The following TMPRSS12 variants were observed in gnomAD, a reference collection of about 807,000 sequenced individuals.
TMPRSS12 encodes the protein transmembrane serine protease 12.
A neutral mutation model predicts 26.0 loss-of-function variants in TMPRSS12; 25 were observed. The ratio of observed to expected loss-of-function variants is 0.96; its 90% CI spans 0.70 to 1.34. The LOEUF is 1.34. Ranked by LOEUF, TMPRSS12 falls within the 40% of genes most tolerant of loss-of-function variation. The probability of loss-of-function intolerance (pLI) is 0.00; values close to 1 mark genes in which losing one functional copy is unlikely to be tolerated. For missense variants in TMPRSS12, 441 were observed against 440.1 expected, an observed-to-expected ratio of 1.00 and a Z score of -0.02; for synonymous variants, 150 against 161.7, an observed-to-expected ratio of 0.93 and a Z score of 0.55.
chr12:50,850,204 G>C (rs144490776), intron 2 of TMPRSS12, among the ~76,000 whole-genome samples: 6 of 152,312 alleles, frequency 3.9e-5, no homozygotes, highest in Admixed American at 1.3e-4. Context: ...TGACTGGATT[G>C]TGGGGGCAGA....
At position 50,843,122 on chromosome 12, in the gene TMPRSS12, G is replaced by C; in HGVS notation, c.158G>C (p.Arg53Pro). 3 of 1,573,802 alleles carry C rather than the reference G, an allele frequency of 1.9e-6. No homozygotes were observed. Among genetic ancestry groups the C allele is most frequent in the Non-Finnish European group, 8.6e-7 (1 of 1,159,336 alleles). Residue 53 changes from arginine to proline, a missense_variant, in exon 1 of 5, where the codon CGG (arginine) becomes CCG (proline). Coordinates refer to ENST00000398458, the MANE Select transcript of TMPRSS12 (RefSeq NM_182559.3). ...GAGGCCGTCCGCAAGAGGCTCCGGC[G>C]GCGGAGGGAGGGAGGGGCGCATGCA... ...QAEAVRKRLR[R>P]RREGGAHAED...
chr12:50,855,843 G>A (rs1369379902), intron 2 of TMPRSS12, among the ~76,000 whole-genome samples: 2 of 152,054 alleles, frequency 1.3e-5, no homozygotes, highest in East Asian at 3.9e-4. Context: ...AAGAAAATGT[G>A]GTACATATAC....
At chr12:50,847,504 G>T (rs1937782256) in intron 2 of TMPRSS12, among the ~76,000 whole-genome samples, 1 of 151,662 alleles carries the variant, frequency 6.6e-6, no homozygotes, top group Non-Finnish European at 1.5e-5. Context: ...ATGAGAGGGA[G>T]TTTCGCTCTT....
At position 50,843,109 on chromosome 12, in the gene TMPRSS12, A is replaced by C; in HGVS notation, c.145A>C (p.Lys49Gln). ...ASSQQAEAVR[K>Q]RLRRRREGGA... is the part of the protein sequence containing the mutation. The stretch of plus-strand genomic sequence containing the variant: ...TTCCCAGCAGGCTGAGGCCGTCCGC[A>C]AGAGGCTCCGGCGGCGGAGGGAGGG... Residue 49 changes from lysine (K) to glutamine (Q), a missense_variant, in exon 1 of 5, where the codon AAG becomes CAG. Coordinates refer to ENST00000398458, the MANE Select transcript of TMPRSS12 (RefSeq NM_182559.3). The C allele has an allele frequency of 6.3e-7, 1 of 1,578,968 alleles. No homozygotes were observed. Among genetic ancestry groups the C allele is most frequent in the Non-Finnish European group, 8.6e-7 (1 of 1,162,374 alleles).
intron 3 of TMPRSS12, among the ~76,000 whole-genome samples, chr12:50,868,026 A>G (rs1938007645): frequency 6.6e-6 from 1 of 152,230 alleles, no homozygotes; most frequent in Non-Finnish European, 1.5e-5. Context: ...AACCTCTTTA[A>G]AGCATAAATC....
At chr12:50,866,974 G>T (rs1332386664) in intron 3 of TMPRSS12, among the ~76,000 whole-genome samples, 1 of 152,136 alleles carries the variant, frequency 6.6e-6, no homozygotes, top group Non-Finnish European at 1.5e-5. Flanking sequence ...ATAAAAGAAT[G>T]TAAACAACAG....
chr12:50,864,621 A>C (rs1477897572), intron 3 of TMPRSS12, among the ~76,000 whole-genome samples: 1 of 152,214 alleles, frequency 6.6e-6, no homozygotes, highest in East Asian at 1.9e-4. Context: ...TAAAGAACTA[A>C]AAGGTAGAAT....
At chr12:50,865,228 GA>G (rs1937979965) in intron 3 of TMPRSS12, among the ~76,000 whole-genome samples, 1 of 152,116 alleles carries the variant, frequency 6.6e-6, no homozygotes, top group African/African-American at 2.4e-5. Flanking sequence ...AGCTACTTGG[GA>G]GGCTGAGGCA....
intron 3 of TMPRSS12, among the ~76,000 whole-genome samples, chr12:50,875,937 A>C (rs1938109155): frequency 6.6e-6 from 1 of 152,244 alleles, no homozygotes; most frequent in Admixed American, 6.5e-5. Flanking sequence ...TCTGCACAGC[A>C]AAAGAAACTA....
In TMPRSS12 at chr12:50,872,607, T is replaced by TATATATGACGTATATATGTAC. The variant is rs1938059942; in HGVS notation, c.653-12632_653-12612dup. Among the ~76,000 whole-genome samples the TATATATGACGTATATATGTAC allele has an allele frequency of 8.0e-5, 11 of 137,628 alleles. 1 individual carries two copies. The highest frequency in any genetic ancestry group is 3.0e-4 in the African/African-American group (11 of 37,260). 90.3% of individuals were successfully genotyped at this position (137,628 alleles called of 152,430 possible). On this transcript the variant is annotated intron_variant, in intron 3 of 4. Transcript: ENST00000398458. ...TACATATATATGACGTATATGTACA[T>TATATATGACGTATATATGTAC]ATATATGACGTATATATGTACATAT...
At chr12:50,873,058 A>T (rs1938082076) in intron 3 of TMPRSS12, among the ~76,000 whole-genome samples, 1 of 151,768 alleles carries the variant, frequency 6.6e-6, no homozygotes, top group South Asian at 2.1e-4. Flanking sequence ...GAGATTGGAG[A>T]CTATTATTCT....
At chr12:50,881,419 G>T (rs1938162671) in intron 3 of TMPRSS12, among the ~76,000 whole-genome samples, 1 of 152,076 alleles carries the variant, frequency 6.6e-6, no homozygotes, top group African/African-American at 2.4e-5. Context: ...TCACTCAACT[G>T]CATTGGTACA....
chr12:50,887,664 T>C lies in TMPRSS12; in HGVS notation c.*151T>C. The C allele has an allele frequency of 3.2e-6, 3 of 950,566 alleles. No homozygotes were observed. Among genetic ancestry groups the C allele is most frequent in the African/African-American group, 1.6e-5 (1 of 60,844 alleles). The allele number at this position is 950,566 out of a possible 1,614,324, so 58.9% of individuals were successfully genotyped here. On this transcript the variant is annotated 3_prime_UTR_variant, in exon 5 of 5. Coordinates refer to ENST00000398458, the MANE Select transcript of TMPRSS12 (RefSeq NM_182559.3). ...TGGGCTATAAGTATTGTGACAGATA[T>C]ACAATTGTAATTTTGGCACTGAATC...
At chr12:50,873,341 TAAATA>T (rs989406410) in intron 3 of TMPRSS12, among the ~76,000 whole-genome samples, 11 of 151,600 alleles carry the variant, frequency 7.3e-5, no homozygotes, top group African/African-American at 2.2e-4. Flanking sequence ...TATGGAAAAA[TAAATA>T]AAATAAAAAA....
At position 50,842,980 on chromosome 12, in the gene TMPRSS12, C is replaced by T; in HGVS notation, c.16C>T (p.Leu6=). 6.3e-7 allele frequency: 1 copy of T among 1,592,294 alleles called. No homozygotes were observed. The highest frequency in any genetic ancestry group is 2.3e-5 in the East Asian group (1 of 43,780). MRLGL[L]SVALLFVGSS... ...AGCCTCCAAAATGCGGCTGGGGCTC[C>T]TGAGCGTGGCGCTGTTGTTTGTGGG... Residue 6 remains leucine, a synonymous_variant, in exon 1 of 5, where the codon CTG becomes TTG. Coordinates refer to ENST00000398458, the MANE Select transcript of TMPRSS12 (RefSeq NM_182559.3).
intron 3 of TMPRSS12, among the ~76,000 whole-genome samples, chr12:50,875,343 T>C (rs1197068962): frequency 1.2e-4 from 18 of 151,506 alleles, no homozygotes; most frequent in Admixed American, 1.2e-3. Flanking sequence ...ATACAAAAAT[T>C]AGCCAGGTGT....
At chr12:50,854,571 G>T (rs1937858340) in intron 2 of TMPRSS12, among the ~76,000 whole-genome samples, 1 of 152,048 alleles carries the variant, frequency 6.6e-6, no homozygotes, top group South Asian at 2.1e-4. Context: ...TATAGTCTCT[G>T]GCCAAAGGCT....
chr12:50,842,941 C>T lies in TMPRSS12; in HGVS notation c.-24C>T. 1 of 1,552,600 alleles carries T rather than the reference C, an allele frequency of 6.4e-7. No individual in the cohort carries two copies. Among genetic ancestry groups the T allele is most frequent in the Non-Finnish European group, 8.7e-7 (1 of 1,145,116 alleles). On this transcript the variant is annotated 5_prime_UTR_variant, in exon 1 of 5. Transcript: ENST00000398458. ...CAGGGCGGGTGGGAAGTACCTGCCG[C>T]CATCTTGCTCACCAGCCTCCAAAAT...
At chr12:50,846,480 T>C (rs752542846) in intron 2 of TMPRSS12, among the ~76,000 whole-genome samples, 25 of 152,168 alleles carry the variant, frequency 1.6e-4, no homozygotes, top group Non-Finnish European at 2.6e-4. Flanking sequence ...GGCTCTCAAT[T>C]CTTCTCCACT....
Sources: allele counts gnomAD v4.1 joint callset (sites outside exome capture counted in the v4.1 genomes callset), GRCh38; gene constraint gnomAD v4.1.1; transcripts MANE v1.5; gene names NCBI Gene and HGNC (gene_info 2026-07-23, HGNC 2026-07-21).